The following ZSWIM8 variants were observed in gnomAD, a reference collection of about 807,000 sequenced individuals.
The protein encoded by ZSWIM8 is zinc finger SWIM domain-containing protein 8.
In ZSWIM8, 27 loss-of-function variants were observed where a neutral mutation model predicts 173.7. The observed-to-expected ratio is 0.16, with a 90% CI of 0.11 to 0.21. The LOEUF (loss-of-function observed/expected upper bound fraction) is 0.21, where lower values mean the gene tolerates loss of function less well. ZSWIM8 is among the 10% of genes least tolerant of loss of function. ZSWIM8 has a pLI of 1.00. For synonymous variants in ZSWIM8, 958 were observed against 962.0 expected (o/e 1.00, Z 0.08); for missense variants, 1,627 against 2,428.8 (o/e 0.67, Z 6.94).
rs1261089252 is a variant in ZSWIM8, at chr10:73,801,771, A to G, written c.*252A>G. On this transcript the variant is annotated 3_prime_UTR_variant, in exon 26 of 26. Transcript: ENST00000604729. This position sits in a 1 kb window ranked among gnomAD's most constrained non-coding sequence, Gnocchi z 4.9. The stretch of plus-strand genomic sequence containing the variant: ...TGGTATTTATTTGGCATTTATAAAT[A>G]TATAAACTCCTTTTTTACTCTAGTC... 8.8e-6 allele frequency: 13 copies of G among 1,475,254 alleles called. No homozygotes were observed. Among genetic ancestry groups the G allele is most frequent in the African/African-American group, 1.4e-5 (1 of 70,958 alleles). 91.4% of individuals were successfully genotyped at this position (1,475,254 alleles called of 1,614,324 possible). A position where few individuals can be genotyped will look rare whatever the true frequency, so the allele number is the denominator to read the frequency against.
At chr10:73,794,488 T>C in intron 13 of ZSWIM8, 53 bp from the exon 14 acceptor site, 1 of 1,572,714 alleles carries the variant, frequency 6.4e-7, no homozygotes, top group Middle Eastern at 1.7e-4. Flanking sequence ...CCCCTGTATT[T>C]TTTCCCATGC....
At chr10:73,794,372 G>T (rs1286918436) in intron 13 of ZSWIM8, 42 bp downstream of exon 13, 1 of 1,599,904 alleles carries the variant, frequency 6.3e-7, no homozygotes, top group East Asian at 2.2e-5. Flanking sequence ...ACTGGGGTAG[G>T]GGTAGCTTTC....
chr10:73,794,125 G>C (rs772490106), intron 12 of ZSWIM8, 22 bp from the exon 13 acceptor site: 69 of 1,613,532 alleles, frequency 4.3e-5, no homozygotes, highest in Admixed American at 8.3e-5. Context: ...CCAGAGGTCT[G>C]AGCTCCTTCC....
chr10:73,793,952 A>G lies in ZSWIM8; in HGVS notation c.2533A>G (p.Ser845Gly). ...SKAAFLLTVLSERPEHHNLAF... is the reference protein window; with the variant it reads ...SKAAFLLTVLGERPEHHNLAF... ...GGCGGCCTTCCTGTTGACAGTGCTA[A>G]GTGAGCGTCCAGAGCACCACAACCT... Residue 845 changes from serine to glycine, a missense_variant, in exon 12 of 26, where the codon AGT becomes GGT. Around this residue, in one of 18 missense-constraint regions of ZSWIM8, gnomAD observed 169 missense variants for 235.3 expected, o/e 0.72. Transcript: ENST00000604729. The G allele has an allele frequency of 6.2e-7, 1 of 1,613,566 alleles. No homozygotes were observed. Among genetic ancestry groups the G allele is most frequent in the East Asian group, 2.2e-5 (1 of 44,884 alleles).
At position 73,799,852 on chromosome 10, in the gene ZSWIM8, G is replaced by T. The variant is rs1040784218; in HGVS notation, c.4666-159G>T. 11 of 712,350 alleles carry T rather than the reference G, an allele frequency of 1.5e-5. No individual in the cohort carries two copies. The Admixed American group carries it at 2.8e-4, about 18-fold the overall frequency. The allele number at this position is 712,350 out of a possible 1,614,324, so 44.1% of individuals were successfully genotyped here. ...CACTTGAACCTGGGAGGCAGAGGTT[G>T]CAGTGAGCCGATATCGTGCCACTGC... On this transcript the variant is annotated intron_variant, in intron 21 of 25. Transcript: ENST00000604729.
Position 73,792,299 on chromosome 10 carries a change from C to T in ZSWIM8, c.1760C>T (p.Ala587Val), listed in dbSNP as rs1198148725. The T allele has an allele frequency of 1.1e-5, 18 of 1,611,424 alleles. No individual in the cohort carries two copies. Among genetic ancestry groups the T allele is most frequent in the Non-Finnish European group, 1.4e-5 (16 of 1,178,738 alleles). The stretch of plus-strand genomic sequence containing the variant: ...GGTCCAGGTGGGGGCAAAGCCAAGG[C>T]ACTGGGTGGGGCTGGCAGTGGGAGC... ...KMGPGGGKAK[A>V]LGGAGSGSKG... Residue 587 changes from alanine to valine, a missense_variant, in exon 10 of 26, where the codon GCA becomes GTA. This residue lies in a region of ZSWIM8 where 383 missense variants were observed against 394.8 expected (regional missense o/e 0.97). Coordinates refer to ENST00000604729, the MANE Select transcript of ZSWIM8 (RefSeq NM_001367799.1). This position sits in a 1 kb window ranked among gnomAD's most constrained non-coding sequence, Gnocchi z 4.3.
intron 20 of ZSWIM8, 120 bp from the exon 21 acceptor site, chr10:73,798,882 C>T: frequency 7.3e-7 from 1 of 1,368,962 alleles, no homozygotes; most frequent in South Asian, 1.4e-5. Flanking sequence ...AGCATTGACA[C>T]TGACCTCTGA....
chr10:73,795,523 G>A lies in ZSWIM8; in HGVS notation c.2909-16G>A, dbSNP rs866872022. ...TATGACTACTCTCAATCCCCATAAG[G>A]TCCTCTTTCTCGCAGGCATGAAGAC... On this transcript the variant is annotated splice_polypyrimidine_tract_variant and intron_variant, in intron 14 of 25. Transcript: ENST00000604729. 2.5e-6 allele frequency: 4 copies of A among 1,613,538 alleles called. No individual in the cohort carries two copies. The highest frequency in any genetic ancestry group is 1.7e-4 in the Middle Eastern group (1 of 6,056).
rs1195202178 is a variant in ZSWIM8, at chr10:73,791,773, C to G, written c.1320-86C>G. 7.0e-7 allele frequency: 1 copy of G among 1,431,794 alleles called. No individual in the cohort carries two copies. Among genetic ancestry groups the G allele is most frequent in the Non-Finnish European group, 9.2e-7 (1 of 1,083,626 alleles). The allele number at this position is 1,431,794 out of a possible 1,614,324, so 88.7% of individuals were successfully genotyped here. ...GAAGTACTTTCCTGTATCCTTTCCCCATGCCTCTCTTTGGGGTGTACACCT... is the reference window on the plus strand; with the variant it reads ...GAAGTACTTTCCTGTATCCTTTCCCGATGCCTCTCTTTGGGGTGTACACCT... On this transcript the variant is annotated intron_variant, in intron 9 of 25. Transcript: ENST00000604729. The surrounding 1 kb of genome is among the most constrained non-coding windows in gnomAD (Gnocchi z 6.0).
Position 73,795,648 on chromosome 10 carries a change from G to A in ZSWIM8, c.3018G>A (p.Gln1006=), listed in dbSNP as rs1486184223. Residue 1006 remains glutamine (Q), a synonymous_variant, in exon 15 of 26, where the codon CAG becomes CAA. Transcript: ENST00000604729. ...LALMITYKDD[Q]AKLKKILDKL... ...TAATGATCACTTACAAGGACGACCA[G>A]GCCAAGCTTAAGAAGGTAAGAGACT... is the stretch of plus-strand genomic sequence containing the variant. 10 of 1,613,138 alleles carry A rather than the reference G, an allele frequency of 6.2e-6. No homozygotes were observed. The highest frequency in any genetic ancestry group is 3.3e-5 in the Admixed American group (2 of 60,000).
In ZSWIM8 at chr10:73,796,948, C is replaced by A. The variant is rs1301259600; in HGVS notation, c.3208C>A (p.Gln1070Lys). 6.2e-7 allele frequency: 1 copy of A among 1,613,936 alleles called. No individual in the cohort carries two copies. The highest frequency in any genetic ancestry group is 1.1e-5 in the South Asian group (1 of 91,072). The part of the protein sequence containing the change: ...PLTSGSAGPA[Q>K]PGSVAGAGPG... ...GACCTCAGGCTCTGCAGGGCCTGCT[C>A]AACCAGGGAGTGTGGCAGGGGCTGG... Residue 1070 changes from glutamine to lysine, a missense_variant, in exon 16 of 26, where the codon CAA (glutamine) becomes AAA (lysine). This residue lies in a region of ZSWIM8 where 163 missense variants were observed against 193.2 expected (regional missense o/e 0.84). Transcript: ENST00000604729.
In ZSWIM8 at chr10:73,801,671, C is replaced by A. The variant is rs941330051; in HGVS notation, c.*152C>A. 1 of 1,534,956 alleles carries A rather than the reference C, an allele frequency of 6.5e-7. No homozygotes were observed. Among genetic ancestry groups the A allele is most frequent in the African/African-American group, 1.4e-5 (1 of 73,120 alleles). On this transcript the variant is annotated 3_prime_UTR_variant, in exon 26 of 26. Coordinates refer to ENST00000604729, the MANE Select transcript of ZSWIM8 (RefSeq NM_001367799.1). This position sits in a 1 kb window ranked among gnomAD's most constrained non-coding sequence, Gnocchi z 4.9. ...GCTGCTCTTGGGCTATAGCTTGGGGCCAAGATGTCTCACACCCTAGAAGCC... is the reference window on the plus strand; with the variant it reads ...GCTGCTCTTGGGCTATAGCTTGGGGACAAGATGTCTCACACCCTAGAAGCC...
chr10:73,791,096 C>G lies in ZSWIM8; in HGVS notation c.1063C>G (p.Arg355Gly). Residue 355 changes from arginine (R) to glycine (G), a missense_variant, in exon 8 of 26, where the codon CGG becomes GGG. Physicochemically the swap from Arg to Gly is moderately radical, Grantham distance 125. Coordinates refer to ENST00000604729, the MANE Select transcript of ZSWIM8 (RefSeq NM_001367799.1). The surrounding 1 kb of genome is among the most constrained non-coding windows in gnomAD (Gnocchi z 6.0). ...EGVWNLLSIVREMFKRRDSNA... is the reference protein window; with the variant it reads ...EGVWNLLSIVGEMFKRRDSNA... Reference sequence around the variant, plus strand: ...CGTCTGGAACCTGCTAAGCATTGTGCGGGAGATGTTCAAGCGGAGGGACAG... The same window carrying G: ...CGTCTGGAACCTGCTAAGCATTGTGGGGGAGATGTTCAAGCGGAGGGACAG... The G allele has an allele frequency of 6.2e-7, 1 of 1,613,864 alleles. No individual in the cohort carries two copies. Among genetic ancestry groups the G allele is most frequent in the Non-Finnish European group, 8.5e-7 (1 of 1,179,836 alleles).
intron 15 of ZSWIM8, chr10:73,796,226 G>A: frequency 4.6e-6 from 1 of 218,014 alleles, no homozygotes; most frequent in Non-Finnish European, 9.5e-6. Context: ...GCGCGCGCCT[G>A]TAGTCCCAGC....
intron 1 of ZSWIM8, chr10:73,786,291 G>C: frequency 1.7e-6 from 1 of 572,506 alleles, no homozygotes; most frequent in Non-Finnish European, 2.9e-6. Context: ...CGGCCTTCCT[G>C]GGGTGGGCTG....
In ZSWIM8 at chr10:73,800,173, G is replaced by C; in HGVS notation, c.4825+3G>C. On this transcript the variant is annotated splice_donor_region_variant and intron_variant, in intron 22 of 25. Coordinates refer to ENST00000604729, the MANE Select transcript of ZSWIM8 (RefSeq NM_001367799.1). The surrounding 1 kb of genome is among the most constrained non-coding windows in gnomAD (Gnocchi z 4.1). ...TCCACTGCCCACCAGTGTGGCCTGT[G>C]AGTTGTGGGGCCAGGGAACAGGTGA... The C allele has an allele frequency of 6.2e-7, 1 of 1,613,506 alleles. No homozygotes were observed. The highest frequency in any genetic ancestry group is 8.5e-7 in the Non-Finnish European group (1 of 1,179,798).
At chr10:73,790,339 TC>T in intron 7 of ZSWIM8, 47 bp downstream of exon 7, 1 of 1,550,308 alleles carries the variant, frequency 6.5e-7, no homozygotes, top group Non-Finnish European at 8.7e-7. Context: ...AGGGGGAGCG[TC>T]CCTCAGGCTG....
At position 73,800,706 on chromosome 10, in the gene ZSWIM8, C is replaced by G. The variant is rs999704606; in HGVS notation, c.5069C>G (p.Ser1690Cys). ...HNDHPNNFSR[S>C]PPYTDDVKWL... is the part of the protein sequence containing the mutation. ...GATCACCCCAACAACTTCTCCCGCT[C>G]CCCCCCCTACACTGATGATGTCAAA... Residue 1690 changes from serine (S) to cysteine (C), a missense_variant, in exon 24 of 26, where the codon TCC becomes TGC. By Grantham distance (112) the Ser-to-Cys change is moderately radical. This residue lies in a region of ZSWIM8 where 30 missense variants were observed against 20.9 expected (regional missense o/e 1.44). Transcript: ENST00000604729. This position sits in a 1 kb window ranked among gnomAD's most constrained non-coding sequence, Gnocchi z 4.1. 1.2e-6 allele frequency: 2 copies of G among 1,605,818 alleles called. No homozygotes were observed. Among genetic ancestry groups the G allele is most frequent in the East Asian group, 2.2e-5 (1 of 44,746 alleles).
chr10:73,789,016 C>T lies in ZSWIM8; in HGVS notation c.363-80C>T. ...AAGGAATGAGGCTAGGGAGAGAGTG[C>T]CTAGGGCATTGTGGTCTCTGACAGG... On this transcript the variant is annotated intron_variant, in intron 2 of 25. Transcript: ENST00000604729. The surrounding 1 kb of genome is among the most constrained non-coding windows in gnomAD (Gnocchi z 6.8). The T allele has an allele frequency of 1.8e-6, 2 of 1,097,166 alleles. No individual in the cohort carries two copies. The highest frequency in any genetic ancestry group is 2.5e-6 in the Non-Finnish European group (2 of 785,446). 68.0% of individuals were successfully genotyped at this position (1,097,166 alleles called of 1,614,324 possible).
Sources: allele counts gnomAD v4.1 joint callset, GRCh38; gene constraint gnomAD v4.1.1; regional missense constraint gnomAD v4.1.1; non-coding constraint Gnocchi (gnomAD v3.1); transcripts MANE v1.5; gene names NCBI Gene and HGNC (gene_info 2026-07-23, HGNC 2026-07-21).